The following FGF23 variants were observed in gnomAD, a reference collection of about 807,000 sequenced individuals.
FGF23 encodes the protein phosphatonin.
Under a neutral mutation model 9.0 loss-of-function variants are expected in FGF23, and 8 were observed. The ratio of observed to expected loss-of-function variants is 0.89; its 90% CI spans 0.52 to 1.60. The LOEUF is 1.60. Ranked by LOEUF, FGF23 falls within the 40% of genes most tolerant of loss-of-function variation. The pLI is 0.00. For missense variants in FGF23, 311 were observed against 344.3 expected (o/e 0.90, Z 0.77); for synonymous variants, 118 against 146.2 (o/e 0.81, Z 1.39).
chr12:4,373,337 C>T (rs1865083249), intron 1 of FGF23, among the ~76,000 whole-genome samples: 1 of 152,216 alleles, frequency 6.6e-6, no homozygotes, highest in African/African-American at 2.4e-5. Context: ...TCTTCCTTCT[C>T]AGCTCCTCAG....
chr12:4,370,100 C>T lies in FGF23; in HGVS notation c.*243G>A, dbSNP rs1865044370. On this transcript the variant is annotated 3_prime_UTR_variant, in exon 3 of 3. Transcript: ENST00000237837. ...TCATGAAGGGGAAATTTCTAGTTTA[C>T]CTGTTGGGGTTTCCTATTGGGAAAG... The T allele has an allele frequency of 2.1e-6, 1 of 475,114 alleles. No homozygotes were observed. 29.4% of individuals were successfully genotyped at this position (475,114 alleles called of 1,614,324 possible). A position where few individuals can be genotyped will look rare whatever the true frequency, so the allele number is the denominator to read the frequency against.
At chr12:4,379,266 T>G (rs1865151441) in intron 1 of FGF23, 106 bp downstream of exon 1, 3 of 946,262 alleles carry the variant, frequency 3.2e-6, no homozygotes, top group Non-Finnish European at 5.1e-6. Flanking sequence ...GGCAGAAAGC[T>G]AGGAGGGTTG....
rs989250128 is a variant in FGF23, at chr12:4,379,579, A to G, written c.4T>C (p.Leu2=). M[L]GARLRLWVCA... The stretch of plus-strand genomic sequence containing the variant: ...ACCCAGAGCCTGAGGCGGGCCCCCA[A>G]CATCGTGCCCTGCTCTGAGTGGCTG... The change falls in exon 1 of 3, where the codon TTG becomes CTG. Residue 2 remains leucine (L), a synonymous_variant. Transcript: ENST00000237837. 1.3e-6 allele frequency: 2 copies of G among 1,598,766 alleles called. No individual in the cohort carries two copies. Among genetic ancestry groups the G allele is most frequent in the African/African-American group, 2.7e-5 (2 of 74,564 alleles).
Position 4,370,604 on chromosome 12 carries a change from G to T in FGF23, c.495C>A (p.Pro165=). 2 of 1,614,090 alleles carry T rather than the reference G, an allele frequency of 1.2e-6. No individual in the cohort carries two copies. Among genetic ancestry groups the T allele is most frequent in the Non-Finnish European group, 1.7e-6 (2 of 1,179,960 alleles). Residue 165 remains proline (P), a synonymous_variant, in exon 3 of 3, where the codon CCC becomes CCA. Transcript: ENST00000237837. Reference sequence around the variant, plus strand: ...GTATGGGGGTGTTGAAGTGAATTAGGGGGATCTCGTTCCTCCGGGACAGGA... The same window carrying T: ...GTATGGGGGTGTTGAAGTGAATTAGTGGGATCTCGTTCCTCCGGGACAGGA... ...SQFLSRRNEI[P]LIHFNTPIPR...
intron 1 of FGF23, among the ~76,000 whole-genome samples, chr12:4,374,914 G>A (rs544444121): frequency 9.2e-5 from 14 of 152,266 alleles, no homozygotes; most frequent in African/African-American, 2.9e-4. Context: ...CCGGTAACAA[G>A]CCTCCAGCAG....
At chr12:4,375,291 G>A (rs1219353247) in intron 1 of FGF23, among the ~76,000 whole-genome samples, 2 of 152,184 alleles carry the variant, frequency 1.3e-5, no homozygotes, top group Non-Finnish European at 2.9e-5. Context: ...GATGCTTGGG[G>A]TCAGTGTGGG....
Position 4,369,963 on chromosome 12 carries a change from C to T in FGF23, c.*380G>A. On this transcript the variant is annotated 3_prime_UTR_variant, in exon 3 of 3. Coordinates refer to ENST00000237837, the MANE Select transcript of FGF23 (RefSeq NM_020638.3). ...ACCTTCAAAGTCTTGAGCTCAGGAA[C>T]CCACTGCTTTTTTTTTTTTTTTTTT... 1 of 223,312 alleles carries T rather than the reference C, an allele frequency of 4.5e-6. No homozygotes were observed. Among genetic ancestry groups the T allele is most frequent in the East Asian group, 6.5e-5 (1 of 15,392 alleles). The allele number at this position is 223,312 out of a possible 1,614,324, so 13.8% of individuals were successfully genotyped here.
At chr12:4,379,228 C>A in intron 1 of FGF23, 144 bp downstream of exon 1, 1 of 746,566 alleles carries the variant, frequency 1.3e-6, no homozygotes. Flanking sequence ...CAAACACACA[C>A]ACACACAAAG....
chr12:4,374,008 A>G (rs1455737905), intron 1 of FGF23, among the ~76,000 whole-genome samples: 1 of 152,162 alleles, frequency 6.6e-6, no homozygotes, highest in Non-Finnish European at 1.5e-5. Context: ...CTCTTCTCCT[A>G]TCCCATGCAG....
rs2120729716 is a variant in FGF23 at position 4,370,532 on chromosome 12, G to A, written c.567C>T (p.Pro189=). The change falls in exon 3 of 3, where the codon CCC becomes CCT. Residue 189 remains proline, a synonymous_variant. Coordinates refer to ENST00000237837, the MANE Select transcript of FGF23 (RefSeq NM_020638.3). ...GGGCCCGGGGCTTCAGCACGTTCAG[G>A]GGGTCCCGCTCCGAGTCGTCCTCGG... is the stretch of plus-strand genomic sequence containing the variant. The part of the protein sequence containing the change: ...RSAEDDSERD[P]LNVLKPRARM... 6.2e-7 allele frequency: 1 copy of A among 1,612,940 alleles called. No homozygotes were observed. The highest frequency in any genetic ancestry group is 1.3e-5 in the African/African-American group (1 of 74,948).
Position 4,370,658 on chromosome 12 carries a change from T to A in FGF23, c.441A>T (p.Pro147=). The change falls in exon 3 of 3, where the codon CCA becomes CCT. Residue 147 remains proline, a synonymous_variant. Transcript: ENST00000237837. ...GGGAGTACGGGGGTGGGTTCATGCC[T>A]GGCAGGAAGGCTCTCTTCGCCCGGC... is the stretch of plus-strand genomic sequence containing the variant. ...SLGRAKRAFL[P]GMNPPPYSQF... The A allele has an allele frequency of 6.2e-7, 1 of 1,614,128 alleles. No homozygotes were observed.
chr12:4,372,093 G>A (rs561821452), intron 2 of FGF23, among the ~76,000 whole-genome samples: 7 of 147,242 alleles, frequency 4.8e-5, no homozygotes, highest in East Asian at 4.1e-4. Context: ...ACCAAACACC[G>A]CATATTCTCA....
In FGF23 at chr12:4,372,699, T is replaced by C. The variant is rs750346363; in HGVS notation, c.212-2A>G. 1.9e-6 allele frequency: 3 copies of C among 1,604,358 alleles called. No individual in the cohort carries two copies. The highest frequency in any genetic ancestry group is 2.6e-6 in the Non-Finnish European group (3 of 1,171,414). ...CCTCTGATCTGATCATCAGGGCACC[T>C]ATGGAGAAAAACAGGCAGGGCAAAG... On this transcript the variant is annotated splice_acceptor_variant, in intron 1 of 2. Coordinates refer to ENST00000237837, the MANE Select transcript of FGF23 (RefSeq NM_020638.3). LOFTEE classifies it high-confidence loss of function.
In FGF23 at chr12:4,370,711, G is replaced by C. The variant is rs1865055162; in HGVS notation, c.388C>G (p.Pro130Ala). 6.2e-7 allele frequency: 1 copy of C among 1,614,198 alleles called. No homozygotes were observed. Among genetic ancestry groups the C allele is most frequent in the African/African-American group, 1.3e-5 (1 of 75,074 alleles). Residue 130 changes from proline to alanine, a missense_variant, in exon 3 of 3, where the codon CCT becomes GCT. Physicochemically the swap from Pro to Ala is conservative, Grantham distance 27. Coordinates refer to ENST00000237837, the MANE Select transcript of FGF23 (RefSeq NM_020638.3). ...LENGYDVYHS[P>A]QYHFLVSLGR... ...AGACTGACCAGGAAGTGATACTGAGGAGAGTGGTAGACGTCGTACCCGTTT... is the reference window on the plus strand; with the variant it reads ...AGACTGACCAGGAAGTGATACTGAGCAGAGTGGTAGACGTCGTACCCGTTT...
intron 1 of FGF23, among the ~76,000 whole-genome samples, chr12:4,373,490 G>A (rs1054992519): frequency 6.6e-6 from 1 of 152,176 alleles, no homozygotes; most frequent in African/African-American, 2.4e-5. Flanking sequence ...AGTGACGGAT[G>A]GAATTTTCTT....
Position 4,368,397 on chromosome 12 carries a change from A to T in FGF23, c.*1946T>A, listed in dbSNP as rs1286307359. On this transcript the variant is annotated 3_prime_UTR_variant, in exon 3 of 3. Coordinates refer to ENST00000237837, the MANE Select transcript of FGF23 (RefSeq NM_020638.3). ...ATGTTCCCCTCCCATAATCCTTTTT[A>T]TTCTTATATTCCGACATGCTTTTAA... 1 of 181,274 alleles carries T rather than the reference A, an allele frequency of 5.5e-6. No homozygotes were observed. The highest frequency in any genetic ancestry group is 1.2e-5 in the Non-Finnish European group (1 of 85,036). The allele number at this position is 181,274 out of a possible 1,614,324, so 11.2% of individuals were successfully genotyped here.
intron 1 of FGF23, 43 bp from the exon 2 acceptor site, chr12:4,372,740 A>G (rs759935544): frequency 2.3e-6 from 3 of 1,286,972 alleles, no homozygotes; most frequent in South Asian, 1.2e-5. Context: ...TTGCCATCCA[A>G]TTCCCACCTT....
At chr12:4,370,814 C>A in intron 2 of FGF23, 31 bp from the exon 3 acceptor site, 1 of 1,606,768 alleles carries the variant, frequency 6.2e-7, no homozygotes, top group Non-Finnish European at 8.5e-7. Context: ...CACGTGAAGG[C>A]TGGCAGTGGG....
chr12:4,375,041 C>T (rs1203950700), intron 1 of FGF23, among the ~76,000 whole-genome samples: 3 of 152,196 alleles, frequency 2.0e-5, no homozygotes, highest in Non-Finnish European at 4.4e-5. Flanking sequence ...AGCCAGGTGC[C>T]AAGAACCAGG....
Sources: allele counts gnomAD v4.1 joint callset (sites outside exome capture counted in the v4.1 genomes callset), GRCh38; gene constraint gnomAD v4.1.1; transcripts MANE v1.5; gene names NCBI Gene and HGNC (gene_info 2026-07-23, HGNC 2026-07-21).